The following NLGN1 variants were observed in gnomAD, a reference collection of about 807,000 sequenced individuals.
NLGN1 encodes the protein neuroligin 1, also known as neuroligin-1.
A neutral mutation model predicts 65.5 loss-of-function variants in NLGN1; 12 were observed. The ratio of observed to expected loss-of-function variants is 0.18; its 90% CI spans 0.12 to 0.30. The LOEUF is 0.30. Among genes scored for constraint, NLGN1 ranks in the 10% least tolerant of loss-of-function variants. The pLI is 1.00. For missense variants in NLGN1, 750 were observed against 1,007.1 expected (o/e 0.74, Z 3.46); for synonymous variants, 350 against 359.5 (o/e 0.97, Z 0.30).
In NLGN1 at chr3:173,723,238, A is replaced by G. The variant is rs73880557; in HGVS notation, c.494-84442A>G. Among the ~76,000 whole-genome samples, 619 of 152,362 alleles carry G rather than the reference A, an allele frequency of 4.1e-3. 4 individuals carry two copies. Among genetic ancestry groups the G allele is most frequent in the African/African-American group, 0.014 (591 of 41,590 alleles). Reference sequence around the variant, plus strand: ...TATATGGGCCCTGTGGAACATTATAAGGATTGGCTTTTACTGCATGTTATC... The same window carrying G: ...TATATGGGCCCTGTGGAACATTATAGGGATTGGCTTTTACTGCATGTTATC... On this transcript the variant is annotated intron_variant, in intron 3 of 6. Transcript: ENST00000457714.
chr3:174,154,914 G>C (rs974384605), intron 4 of NLGN1, among the ~76,000 whole-genome samples: 1 of 76,328 alleles, frequency 1.3e-5, no homozygotes, highest in Non-Finnish European at 2.3e-5. Context: ...TTTATATTAA[G>C]ATATTTATAT....
chr3:173,779,493 A>G (rs1475087314), intron 3 of NLGN1, among the ~76,000 whole-genome samples: 1 of 151,594 alleles, frequency 6.6e-6, no homozygotes, highest in African/African-American at 2.4e-5. Flanking sequence ...TCCCTTATTT[A>G]TTTAACAAAA....
chr3:173,771,056 C>T (rs1779502692), intron 3 of NLGN1, among the ~76,000 whole-genome samples: 1 of 152,118 alleles, frequency 6.6e-6, no homozygotes, highest in South Asian at 2.1e-4. Context: ...TTTCAAAGTT[C>T]ATCTCAAATG....
intron 5 of NLGN1, among the ~76,000 whole-genome samples, chr3:174,276,162 T>C (rs938145431): frequency 5.9e-5 from 9 of 151,902 alleles, no homozygotes; most frequent in Admixed American, 3.3e-4. Flanking sequence ...CCCCCTAAAC[T>C]TGGCAAGGCA....
intron 4 of NLGN1, among the ~76,000 whole-genome samples, chr3:173,837,403 T>C (rs1324392972): frequency 6.6e-6 from 1 of 152,184 alleles, no homozygotes; most frequent in Non-Finnish European, 1.5e-5. Flanking sequence ...GAAAATATGC[T>C]TTGGGACAGT....
chr3:173,659,432 A>G (rs1430705964), intron 3 of NLGN1, among the ~76,000 whole-genome samples: 2 of 151,930 alleles, frequency 1.3e-5, no homozygotes, highest in Non-Finnish European at 2.9e-5. Flanking sequence ...TGAAATGACA[A>G]TCACTGCATG....
chr3:174,222,857 G>A (rs1738913277), intron 4 of NLGN1, among the ~76,000 whole-genome samples: 1 of 152,110 alleles, frequency 6.6e-6, no homozygotes, highest in Non-Finnish European at 1.5e-5. Flanking sequence ...ACAGTATAGA[G>A]TTGTTCAATT....
chr3:173,458,020 G>A (rs920187326), intron 2 of NLGN1, among the ~76,000 whole-genome samples: 2 of 152,018 alleles, frequency 1.3e-5, no homozygotes, highest in African/African-American at 4.8e-5. Flanking sequence ...ACAGTCCAGA[G>A]TACAGAGATG....
At chr3:173,418,050 T>C (rs1714154936) in intron 1 of NLGN1, among the ~76,000 whole-genome samples, 1 of 151,380 alleles carries the variant, frequency 6.6e-6, no homozygotes, top group African/African-American at 2.4e-5. Context: ...TATTTGTTTA[T>C]GTGTGTGTGC....
At chr3:173,919,733 T>G (rs1372998582) in intron 4 of NLGN1, among the ~76,000 whole-genome samples, 44 of 152,256 alleles carry the variant, frequency 2.9e-4, no homozygotes, top group Non-Finnish European at 8.8e-5. Flanking sequence ...TACATTTTAC[T>G]CATGTTTTTA....
intron 1 of NLGN1, among the ~76,000 whole-genome samples, chr3:173,424,528 G>A (rs1482416110): frequency 3.3e-5 from 5 of 152,178 alleles, no homozygotes; most frequent in South Asian, 4.1e-4. Flanking sequence ...AATAATTCAC[G>A]TTCTCTCTTG....
chr3:174,250,463 A>G (rs1224303563), intron 4 of NLGN1, among the ~76,000 whole-genome samples: 1 of 152,184 alleles, frequency 6.6e-6, no homozygotes, highest in African/African-American at 2.4e-5. Context: ...AAGCATTGCA[A>G]AAGACAAAAT....
intron 4 of NLGN1, among the ~76,000 whole-genome samples, chr3:174,023,042 T>A (rs1728089847): frequency 6.6e-6 from 1 of 152,092 alleles, no homozygotes; most frequent in African/African-American, 2.4e-5. Context: ...ATATAAAAAA[T>A]TAGCAGAGGC....
At position 173,849,736 on chromosome 3, in the gene NLGN1, T is replaced by G. The variant is rs569683475; in HGVS notation, c.646+41904T>G. On this transcript the variant is annotated intron_variant, in intron 4 of 6. Coordinates refer to ENST00000457714, the Ensembl canonical transcript of NLGN1. ...CTCTCGTATAAATTTACATAACTCA[T>G]TTAAACTATCTGAGGCTCTTCATAA... 3.7e-4 allele frequency among the ~76,000 whole-genome samples: 57 copies of G among 152,258 alleles called. 1 individual carries two copies. The highest frequency in any genetic ancestry group is 1.4e-3 in the African/African-American group (57 of 41,552).
intron 2 of NLGN1, among the ~76,000 whole-genome samples, chr3:173,489,308 C>G (rs1728708838): frequency 6.6e-6 from 1 of 150,742 alleles, no homozygotes; most frequent in African/African-American, 2.4e-5. Flanking sequence ...TTGTTCAATT[C>G]CCAACTATGA....
At chr3:174,038,580 T>C (rs1258857163) in intron 4 of NLGN1, among the ~76,000 whole-genome samples, 1 of 152,186 alleles carries the variant, frequency 6.6e-6, no homozygotes, top group Non-Finnish European at 1.5e-5. Flanking sequence ...TCATTCTTCT[T>C]TAAGGATTGT....
chr3:173,558,452 A>G (rs1343099883), intron 2 of NLGN1, among the ~76,000 whole-genome samples: 1 of 152,134 alleles, frequency 6.6e-6, no homozygotes, highest in Admixed American at 6.5e-5. Context: ...AAATACTTAC[A>G]TGCTAAAGTA....
intron 3 of NLGN1, among the ~76,000 whole-genome samples, chr3:173,789,279 G>C (rs965068996): frequency 6.6e-6 from 1 of 152,088 alleles, no homozygotes; most frequent in East Asian, 1.9e-4. Flanking sequence ...AAAAAGAAGC[G>C]TGAAGTGTGC....
At chr3:174,036,610 A>G (rs1731193275) in intron 4 of NLGN1, among the ~76,000 whole-genome samples, 1 of 146,038 alleles carries the variant, frequency 6.8e-6, no homozygotes, top group African/African-American at 2.5e-5. Flanking sequence ...CAAATTTAAC[A>G]TGTATTTTAA....
Sources: gnomAD v4.1 joint callset for allele counts (sites outside exome capture counted in the v4.1 genomes callset) on GRCh38, gnomAD v4.1.1 for gene constraint, MANE v1.5 for transcripts, NCBI Gene and HGNC (gene_info 2026-07-23, HGNC 2026-07-21) for gene names.